The following KLHL1 variants were observed in gnomAD, a reference collection of about 807,000 sequenced individuals.
KLHL1 encodes kelch-like protein 1.
KLHL1 carries 47 observed loss-of-function variants against 77.7 expected under a neutral mutation model. The ratio of observed to expected loss-of-function variants is 0.60; its 90% CI spans 0.48 to 0.77. The LOEUF is 0.77. Ranked by LOEUF, KLHL1 falls within the 30% of genes least tolerant of loss-of-function variation. The probability of loss-of-function intolerance (pLI) is 0.00; values close to 1 mark genes in which losing one functional copy is unlikely to be tolerated. For synonymous variants in KLHL1, 360 were observed against 325.2 expected (o/e 1.11, Z -1.15); for missense variants, 925 against 910.8 (o/e 1.02, Z -0.20).
At chr13:70,087,289 T>G (rs532224052) in intron 1 of KLHL1, among the ~76,000 whole-genome samples, 1 of 152,200 alleles carries the variant, frequency 6.6e-6, no homozygotes, top group South Asian at 2.1e-4. Flanking sequence ...ATAGTAAATT[T>G]GAGGGTAAAA....
At position 70,023,003 on chromosome 13, in the gene KLHL1, G is replaced by A. The variant is rs536595257; in HGVS notation, c.498-47201C>T. On this transcript the variant is annotated intron_variant, in intron 1 of 10. Transcript: ENST00000377844. Reference sequence around the variant, plus strand: ...CATGTCTTCCATATGCATAACACATGCATATCCTCTTAAAGCGTTCCTCTG... The same window carrying A: ...CATGTCTTCCATATGCATAACACATACATATCCTCTTAAAGCGTTCCTCTG... 1.2e-4 allele frequency among the ~76,000 whole-genome samples: 18 copies of A among 151,982 alleles called. No individual in the cohort carries two copies. In the South Asian group the frequency reaches 2.7e-3, roughly 23 times the overall value.
In KLHL1 at chr13:69,940,102, G is replaced by A. The variant is rs1483016475; in HGVS notation, c.952C>T (p.Arg318Ter). 5.6e-6 allele frequency: 9 copies of A among 1,612,848 alleles called. No homozygotes were observed. The highest frequency in any genetic ancestry group is 4.5e-5 in the East Asian group (2 of 44,800). The change falls in exon 4 of 11, where the codon CGA becomes TGA. Residue 318 changes from arginine (R) to a stop codon, truncating the protein, a stop_gained. Coordinates refer to ENST00000377844, the MANE Select transcript of KLHL1 (RefSeq NM_020866.3). LOFTEE classifies it high-confidence loss of function. ...CATCCTTGAGCATCTGCGAAGGCTC[G>A]AATTCCTAAACAGTTAGATGGATGC... ...LLHPSNCLGI[R>*]AFADAQGCIE...
At chr13:69,926,239 C>A (rs565949176) in intron 4 of KLHL1, among the ~76,000 whole-genome samples, 5 of 151,996 alleles carry the variant, frequency 3.3e-5, no homozygotes, top group Middle Eastern at 3.2e-3. Context: ...GGCATATTGC[C>A]CACACCTAAC....
intron 6 of KLHL1, among the ~76,000 whole-genome samples, chr13:69,810,740 CAA>C (rs914571111): frequency 4.7e-5 from 7 of 149,354 alleles, no homozygotes; most frequent in African/African-American, 1.7e-4. Flanking sequence ...AGTTGGTTAA[CAA>C]AAAAAAAGAG....
intron 1 of KLHL1, among the ~76,000 whole-genome samples, chr13:70,104,991 A>G (rs1888016093): frequency 6.6e-6 from 1 of 152,082 alleles, no homozygotes; most frequent in South Asian, 2.1e-4. Flanking sequence ...AATCATGAGC[A>G]GAGAACCAAT....
intron 1 of KLHL1, among the ~76,000 whole-genome samples, chr13:70,092,020 G>A (rs1887682798): frequency 6.6e-6 from 1 of 152,100 alleles, no homozygotes; most frequent in South Asian, 2.1e-4. Flanking sequence ...CCAGGTGACA[G>A]CCAATAAGAA....
chr13:69,872,110 A>G (rs1880609395), intron 5 of KLHL1, among the ~76,000 whole-genome samples: 1 of 152,160 alleles, frequency 6.6e-6, no homozygotes, highest in Admixed American at 6.6e-5. Context: ...ACAGCTCTGA[A>G]GTCTGCACAA....
intron 1 of KLHL1, among the ~76,000 whole-genome samples, chr13:70,075,323 T>A (rs2137422966): frequency 6.6e-6 from 1 of 151,400 alleles, no homozygotes; most frequent in African/African-American, 2.4e-5. Flanking sequence ...ATTAAAAATT[T>A]GTCTGGAAAA....
chr13:69,749,909 TA>T (rs1274930497), intron 7 of KLHL1, among the ~76,000 whole-genome samples: 1 of 151,854 alleles, frequency 6.6e-6, no homozygotes, highest in Admixed American at 6.6e-5. Context: ...ACAGTTTCAA[TA>T]AAAAAGGGTT....
In KLHL1 at chr13:69,796,465, T is replaced by C. The variant is rs185853447; in HGVS notation, c.1639+273A>G. 9.5e-3 allele frequency among the ~76,000 whole-genome samples: 1,453 copies of C among 152,284 alleles called. 19 individuals are homozygous for C. The highest frequency in any genetic ancestry group is 0.014 in the Middle Eastern group (4 of 294). On this transcript the variant is annotated intron_variant, in intron 7 of 10. Coordinates refer to ENST00000377844, the MANE Select transcript of KLHL1 (RefSeq NM_020866.3). ...AGAGCCTGACACCTGCTCCTGTCTCTCTTGCTTCCTGTGTAACCATGTGAT... is the reference window on the plus strand; with the variant it reads ...AGAGCCTGACACCTGCTCCTGTCTCCCTTGCTTCCTGTGTAACCATGTGAT...
Position 70,094,952 on chromosome 13 carries a change from T to C in KLHL1, c.497+12251A>G, listed in dbSNP as rs139185722. 9.2e-4 allele frequency among the ~76,000 whole-genome samples: 140 copies of C among 152,254 alleles called. 1 individual carries two copies. Among genetic ancestry groups the C allele is most frequent in the African/African-American group, 2.7e-3 (111 of 41,556 alleles). On this transcript the variant is annotated intron_variant, in intron 1 of 10. Coordinates refer to ENST00000377844, the MANE Select transcript of KLHL1 (RefSeq NM_020866.3). ...AAGTAGCCAGTAGAATAAATACCAA[T>C]GGCTATCTTCTATACCCAGTCCCCA...
In KLHL1 at chr13:70,036,957, G is replaced by A. The variant is rs959988250; in HGVS notation, c.498-61155C>T. Among the ~76,000 whole-genome samples the A allele has an allele frequency of 5.3e-4, 78 of 146,758 alleles. 1 individual carries two copies. The highest frequency in any genetic ancestry group is 1.6e-4 in the Non-Finnish European group (11 of 67,130). Reference sequence around the variant, plus strand: ...ATGTTAACAAATTATAAAGTTAATCGAGATAATAATCCATTTCCCAGACCA... The same window carrying A: ...ATGTTAACAAATTATAAAGTTAATCAAGATAATAATCCATTTCCCAGACCA... On this transcript the variant is annotated intron_variant, in intron 1 of 10. Coordinates refer to ENST00000377844, the MANE Select transcript of KLHL1 (RefSeq NM_020866.3).
intron 1 of KLHL1, among the ~76,000 whole-genome samples, chr13:70,036,833 G>GTGT (rs1886249743): frequency 1.2e-5 from 1 of 86,928 alleles, no homozygotes; most frequent in African/African-American, 5.0e-5. Flanking sequence ...TAATGCCATG[G>GTGT]TCTTTTTTTT....
At chr13:70,057,102 A>T (rs1327368791) in intron 1 of KLHL1, among the ~76,000 whole-genome samples, 3 of 152,126 alleles carry the variant, frequency 2.0e-5, no homozygotes, top group Non-Finnish European at 4.4e-5. Flanking sequence ...ATAAAAAAAC[A>T]TTACAACTGA....
intron 1 of KLHL1, among the ~76,000 whole-genome samples, chr13:70,082,703 C>T (rs1382369105): frequency 6.6e-6 from 1 of 152,106 alleles, no homozygotes; most frequent in Non-Finnish European, 1.5e-5. Context: ...AGCAAAGACA[C>T]AGAATCAACC....
In KLHL1 at chr13:69,954,036, AAAGTT is replaced by A. The variant is rs1422709205; in HGVS notation, c.817+7267_817+7271del. Among the ~76,000 whole-genome samples, 10 of 151,410 alleles carry A rather than the reference AAAGTT, an allele frequency of 6.6e-5. No individual in the cohort carries two copies. In the East Asian group the frequency reaches 1.9e-3, roughly 29 times the overall value. On this transcript the variant is annotated intron_variant, in intron 3 of 10. Coordinates refer to ENST00000377844, the MANE Select transcript of KLHL1 (RefSeq NM_020866.3). ...CATTTAAGGAATATTAAGACTTCAT[AAAGTT>A]AAGTAATTTGACCAAGATCCATAAC...
intron 6 of KLHL1, among the ~76,000 whole-genome samples, chr13:69,818,639 G>C (rs1014494858): frequency 2.0e-5 from 3 of 152,180 alleles, no homozygotes; most frequent in African/African-American, 7.2e-5. Context: ...TAGCAAGACA[G>C]TAAGTGGTTA....
At chr13:69,973,587 A>G (rs954383283) in intron 2 of KLHL1, among the ~76,000 whole-genome samples, 1 of 151,866 alleles carries the variant, frequency 6.6e-6, no homozygotes, top group Non-Finnish European at 1.5e-5. Flanking sequence ...AAGTATTAAA[A>G]TGTATTAGTT....
chr13:69,869,840 C>G (rs113462833), intron 5 of KLHL1, among the ~76,000 whole-genome samples: 12 of 152,244 alleles, frequency 7.9e-5, no homozygotes, highest in African/African-American at 2.9e-4. Context: ...ACTAATTTTA[C>G]ACAGTTTATT....
Sources: allele counts gnomAD v4.1 joint callset (sites outside exome capture counted in the v4.1 genomes callset), GRCh38; gene constraint gnomAD v4.1.1; transcripts MANE v1.5; gene names NCBI Gene and HGNC (gene_info 2026-07-23, HGNC 2026-07-21).